Variants in GRID2 observed in about 807,000 individuals in gnomAD.
The protein encoded by GRID2 is glutamate ionotropic receptor delta type subunit 2, also known as glutamate receptor ionotropic, delta-2.
Under a neutral mutation model 114.8 loss-of-function variants are expected in GRID2, and 33 were observed. That is an observed-to-expected ratio of 0.29 (90% CI 0.22 to 0.38). The LOEUF (loss-of-function observed/expected upper bound fraction) is 0.38. Ranked by LOEUF, GRID2 falls within the 10% of genes least tolerant of loss-of-function variation. The probability of loss-of-function intolerance (pLI) is 1.00; values close to 1 mark genes in which losing one functional copy is unlikely to be tolerated. For missense variants in GRID2, 1,184 were observed against 1,257.7 expected (o/e 0.94, Z 0.89); for synonymous variants, 505 against 449.9 (o/e 1.12, Z -1.55).
intron 14 of GRID2, among the ~76,000 whole-genome samples, chr4:93,713,487 A>G (rs1171683566): frequency 1.3e-5 from 2 of 151,926 alleles, no homozygotes; most frequent in African/African-American, 2.4e-5. Context: ...AGTGCTTACT[A>G]TTTCCCATTG....
intron 14 of GRID2, among the ~76,000 whole-genome samples, chr4:93,764,686 T>C (rs7658161): frequency 0.063 from 9,530 of 152,228 alleles, 320 homozygotes; most frequent in Admixed American, 0.075. Context: ...TAGCCGTTAG[T>C]TCATCACAGT....
chr4:93,152,859 G>A (rs1387014937), intron 4 of GRID2, among the ~76,000 whole-genome samples: 1 of 152,008 alleles, frequency 6.6e-6, no homozygotes, highest in East Asian at 1.9e-4. Context: ...TACCTTGGAA[G>A]CATAGTTTAA....
At chr4:92,804,800 A>G (rs924580267) in intron 2 of GRID2, among the ~76,000 whole-genome samples, 1 of 152,036 alleles carries the variant, frequency 6.6e-6, no homozygotes, top group East Asian at 1.9e-4. Flanking sequence ...TAAGTGTCCT[A>G]GTTGAAGTCT....
At chr4:92,691,545 A>G (rs1470410588) in intron 2 of GRID2, among the ~76,000 whole-genome samples, 1 of 152,212 alleles carries the variant, frequency 6.6e-6, no homozygotes, top group Non-Finnish European at 1.5e-5. Flanking sequence ...ATTGTGCGGT[A>G]TCCAGTAATC....
Position 93,564,725 on chromosome 4 carries a change from C to T in GRID2, c.2193+49314C>T, listed in dbSNP as rs114318523. ...ATACTGGTCTTATAAGTCAGTATCC[C>T]TCTGCATAACAGAGATGAGCTAGCT... On this transcript the variant is annotated intron_variant, in intron 13 of 15. Transcript: ENST00000282020. Among the ~76,000 whole-genome samples, 1,035 of 152,078 alleles carry T rather than the reference C, an allele frequency of 6.8e-3. 12 individuals carry two copies. The highest frequency in any genetic ancestry group is 0.023 in the African/African-American group (957 of 41,520).
At chr4:92,337,564 A>G (rs1042417587) in intron 1 of GRID2, among the ~76,000 whole-genome samples, 4 of 152,196 alleles carry the variant, frequency 2.6e-5, no homozygotes, top group Non-Finnish European at 5.9e-5. Flanking sequence ...CTCAACAATC[A>G]TGGCCGAAGG....
intron 4 of GRID2, chr4:93,204,131 A>T: frequency 6.6e-6 from 1 of 152,130 alleles, no homozygotes. Flanking sequence ...AGTTTTTCTG[A>T]TAAACTTTGT....
intron 2 of GRID2, among the ~76,000 whole-genome samples, chr4:92,825,017 C>G (rs1741585303): frequency 6.6e-6 from 1 of 151,946 alleles, no homozygotes; most frequent in Admixed American, 6.6e-5. Context: ...TATCCCAGAA[C>G]TTAAAGTATA....
chr4:93,805,507 T>C (rs1036086012), intron 1 of GRID2, among the ~76,000 whole-genome samples: 1 of 152,224 alleles, frequency 6.6e-6, no homozygotes, highest in Non-Finnish European at 1.5e-5. Flanking sequence ...ATTCAATTTA[T>C]CTGGTAAGTG....
chr4:93,272,633 G>T (rs1751586706), intron 8 of GRID2, among the ~76,000 whole-genome samples: 1 of 152,124 alleles, frequency 6.6e-6, no homozygotes, highest in Non-Finnish European at 1.5e-5. Context: ...TTTCACCAGA[G>T]GGGTGGTTTT....
At chr4:93,161,059 A>G (rs1358361471) in intron 4 of GRID2, among the ~76,000 whole-genome samples, 1 of 151,862 alleles carries the variant, frequency 6.6e-6, no homozygotes, top group Non-Finnish European at 1.5e-5. Context: ...ATGGCTGTTT[A>G]GGACTGTAGC....
At chr4:93,087,788 A>G (rs1730456456) in intron 3 of GRID2, among the ~76,000 whole-genome samples, 2 of 152,330 alleles carry the variant, frequency 1.3e-5, no homozygotes, top group African/African-American at 4.8e-5. Flanking sequence ...TTTCCCTTTA[A>G]TACTTACAAT....
intron 4 of GRID2, among the ~76,000 whole-genome samples, chr4:93,177,448 C>T (rs17478977): frequency 0.024 from 3,724 of 152,186 alleles, 99 homozygotes; most frequent in Admixed American, 0.066. Context: ...GAAATGGAGG[C>T]TTAGCCTGCT....
At chr4:93,149,640 A>G (rs139644437) in intron 4 of GRID2, among the ~76,000 whole-genome samples, 3,270 of 151,890 alleles carry the variant, frequency 0.022, 39 homozygotes, top group Middle Eastern at 0.055. Context: ...TTATTTATGT[A>G]TTTATTTATT....
At chr4:92,726,495 A>T (rs531262417) in intron 2 of GRID2, among the ~76,000 whole-genome samples, 1 of 152,254 alleles carries the variant, frequency 6.6e-6, no homozygotes, top group East Asian at 1.9e-4. Flanking sequence ...AATTGGTATA[A>T]AAGAAATGCA....
chr4:92,922,026 C>G (rs1464325357), intron 2 of GRID2, among the ~76,000 whole-genome samples: 2 of 152,176 alleles, frequency 1.3e-5, no homozygotes, highest in South Asian at 2.1e-4. Context: ...CTTTGTTTAC[C>G]TACTCAAGCC....
At chr4:93,700,436 T>C (rs1445634371) in intron 14 of GRID2, among the ~76,000 whole-genome samples, 2 of 152,180 alleles carry the variant, frequency 1.3e-5, no homozygotes, top group Non-Finnish European at 2.9e-5. Flanking sequence ...TATTTAGAAG[T>C]TCTAAATAAG....
At chr4:93,476,692 T>C (rs939929324) in intron 11 of GRID2, among the ~76,000 whole-genome samples, 1 of 152,100 alleles carries the variant, frequency 6.6e-6, no homozygotes, top group African/African-American at 2.4e-5. Flanking sequence ...TTTCTAAATA[T>C]ATGTGTGTGG....
chr4:93,626,236 C>T (rs1742718977), intron 13 of GRID2, 33 bp from the exon 14 acceptor site: 2 of 1,308,904 alleles, frequency 1.5e-6, no homozygotes, highest in African/African-American at 1.5e-5. Context: ...ACTTTAAACC[C>T]TATTTCTTCT....
Sources: allele counts gnomAD v4.1 joint callset (sites outside exome capture counted in the v4.1 genomes callset), GRCh38; gene constraint gnomAD v4.1.1; transcripts MANE v1.5; gene names NCBI Gene and HGNC (gene_info 2026-07-23, HGNC 2026-07-21).